The following KIF15 variants were observed in gnomAD, a reference collection of about 807,000 sequenced individuals.
The protein encoded by KIF15 is kinesin-like protein KIF15.
In KIF15, 140 loss-of-function variants were observed where a neutral mutation model predicts 190.6. That is an observed-to-expected ratio of 0.73 (90% CI 0.64 to 0.84). The LOEUF is 0.84. Ranked by LOEUF, KIF15 falls within the 40% of genes least tolerant of loss-of-function variation. The probability of loss-of-function intolerance (pLI) is 0.00; values close to 1 mark genes in which losing one functional copy is unlikely to be tolerated. For missense variants in KIF15, 1,372 were observed against 1,584.4 expected, an observed-to-expected ratio of 0.87 and a Z score of 2.28; for synonymous variants, 528 against 551.3, an observed-to-expected ratio of 0.96 and a Z score of 0.59.
At chr3:44,858,766 C>T (rs1414522045) in intron 6 of KIF15, among the ~76,000 whole-genome samples, 1 of 152,130 alleles carries the variant, frequency 6.6e-6, no homozygotes, top group African/African-American at 2.4e-5. Flanking sequence ...CCGTCAATAC[C>T]CACAACAGTT....
chr3:44,788,976 A>C (rs1026322704), intron 7 of KIF15, among the ~76,000 whole-genome samples: 1 of 152,202 alleles, frequency 6.6e-6, no homozygotes, highest in Non-Finnish European at 1.5e-5. Flanking sequence ...ATTTCCTCTT[A>C]GTTTTCAAGT....
chr3:44,854,565 G>A (rs1461030073), downstream of KIF15, among the ~76,000 whole-genome samples: 1 of 152,186 alleles, frequency 6.6e-6, no homozygotes, highest in Non-Finnish European at 1.5e-5. Context: ...TGCCTCAGAG[G>A]TAGAAGAAGG....
intron 6 of KIF15, among the ~76,000 whole-genome samples, chr3:44,859,023 G>T (rs1350326030): frequency 6.6e-6 from 1 of 152,240 alleles, no homozygotes; most frequent in Admixed American, 6.5e-5. Flanking sequence ...GGGAGTGGCT[G>T]CAGGGCAAGC....
At chr3:44,804,919 A>C in intron 14 of KIF15, 108 bp from the exon 15 acceptor site, 3 of 1,197,210 alleles carry the variant, frequency 2.5e-6, no homozygotes, top group Non-Finnish European at 3.5e-6. Flanking sequence ...GCTTTAGTAC[A>C]CTATGATCAT....
intron 22 of KIF15, 67 bp downstream of exon 22, chr3:44,826,527 T>C: frequency 1.1e-6 from 1 of 918,842 alleles, no homozygotes. Context: ...CTTAATCTTG[T>C]TTTTTTTTTA....
chr3:44,851,760 CTA>C, intron 32 of KIF15, 25 bp from the exon 33 acceptor site: 1 of 1,574,462 alleles, frequency 6.4e-7, no homozygotes, highest in East Asian at 2.2e-5. Context: ...CTTTCAAATA[CTA>C]TAAAGTGATA....
intron 29 of KIF15, 147 bp from the exon 30 acceptor site, chr3:44,842,978 C>T (rs558120579): frequency 5.4e-6 from 3 of 558,556 alleles, no homozygotes; most frequent in African/African-American, 1.9e-5. Context: ...TAGCTTGTCA[C>T]AGTCTGCTTT....
Position 44,775,424 on chromosome 3 carries a change from T to C in KIF15, c.233T>C (p.Val78Ala), listed in dbSNP as rs1171727209. ...KTFTFDHVAD[V>A]DTTQESVFAT... ...TTCACGTTTGATCATGTTGCAGATG[T>C]GGATACCACTCAGGTAATGATAATT... is the stretch of plus-strand genomic sequence containing the variant. The change falls in exon 3 of 35, where the codon GTG (valine) becomes GCG (alanine). Residue 78 changes from valine (V) to alanine (A), a missense_variant. Transcript: ENST00000326047. 2 of 1,605,690 alleles carry C rather than the reference T, an allele frequency of 1.2e-6. No individual in the cohort carries two copies. Among genetic ancestry groups the C allele is most frequent in the Non-Finnish European group, 1.7e-6 (2 of 1,177,090 alleles).
intron 6 of KIF15, chr3:44,863,208 G>A (rs892811793): frequency 6.7e-6 from 1 of 149,850 alleles, no homozygotes; most frequent in African/African-American, 2.4e-5. Context: ...GAACACCCTG[G>A]TGTAAGTTAT....
chr3:44,848,123 G>A (rs1292412522), intron 31 of KIF15, 66 bp downstream of exon 31: 38 of 958,210 alleles, frequency 4.0e-5, no homozygotes, highest in Admixed American at 1.1e-4. Flanking sequence ...TAGTATTTAT[G>A]GTAGTATATT....
intron 7 of KIF15, among the ~76,000 whole-genome samples, chr3:44,787,757 C>T (rs1575593515): frequency 4.6e-5 from 7 of 152,318 alleles, no homozygotes; most frequent in Admixed American, 6.5e-5. Context: ...TAATTTTCAT[C>T]ATAAAAGTCA....
chr3:44,761,970 G>C (rs1382176463), intron 1 of KIF15, 86 bp downstream of exon 1: 28 of 1,562,244 alleles, frequency 1.8e-5, no homozygotes, highest in Non-Finnish European at 2.3e-5. Flanking sequence ...CGCCCGCAAG[G>C]TTCTTGCTAG....
chr3:44,781,404 AGTTT>A (rs1195947993), intron 5 of KIF15, among the ~76,000 whole-genome samples: 2 of 152,188 alleles, frequency 1.3e-5, no homozygotes, highest in African/African-American at 2.4e-5. Flanking sequence ...ATGTAGTAGT[AGTTT>A]ATTTCCATTA....
Position 44,827,871 on chromosome 3 carries a change from A to G in KIF15, c.2856+343A>G, listed in dbSNP as rs540706868. On this transcript the variant is annotated intron_variant, in intron 23 of 34. Coordinates refer to ENST00000326047, the MANE Select transcript of KIF15 (RefSeq NM_020242.3). ...CTAAATTTTTGTATTTTTTATAGAG[A>G]TGGGGTTTCACCATGTTGCCCAGGA... Among the ~76,000 whole-genome samples, 5 of 152,092 alleles carry G rather than the reference A, an allele frequency of 3.3e-5. No homozygotes were observed. The South Asian group carries it at 1.0e-3, about 32-fold the overall frequency.
chr3:44,859,406 C>T (rs1025051565), intron 6 of KIF15, among the ~76,000 whole-genome samples: 3 of 152,044 alleles, frequency 2.0e-5, no homozygotes, highest in East Asian at 1.9e-4. Flanking sequence ...GGCTCATGTC[C>T]GTAATCCCAG....
At chr3:44,842,926 A>G (rs189919433) in intron 29 of KIF15, among the ~76,000 whole-genome samples, 199 bp from the exon 30 acceptor site, 1 of 152,318 alleles carries the variant, frequency 6.6e-6, no homozygotes, top group Non-Finnish European at 1.5e-5. Flanking sequence ...TGTGTTCAAG[A>G]CACTGTGGAT....
intron 7 of KIF15, among the ~76,000 whole-genome samples, chr3:44,793,486 T>C (rs931548159): frequency 6.6e-6 from 1 of 152,194 alleles, no homozygotes; most frequent in Non-Finnish European, 1.5e-5. Context: ...CAGTTCTAGA[T>C]CCTATGCGCT....
intron 6 of KIF15, among the ~76,000 whole-genome samples, chr3:44,860,495 A>T (rs1335942855): frequency 6.6e-6 from 1 of 152,036 alleles, no homozygotes; most frequent in Non-Finnish European, 1.5e-5. Context: ...TCAGCTTCCC[A>T]AGTAGCTGGG....
intron 1 of KIF15, among the ~76,000 whole-genome samples, chr3:44,769,861 T>C (rs1179276315): frequency 6.6e-6 from 1 of 152,220 alleles, no homozygotes; most frequent in Non-Finnish European, 1.5e-5. Context: ...GCTATAGTTA[T>C]GTTTGCTAAG....
Sources: allele counts gnomAD v4.1 joint callset (sites outside exome capture counted in the v4.1 genomes callset), GRCh38; gene constraint gnomAD v4.1.1; transcripts MANE v1.5; gene names NCBI Gene and HGNC (gene_info 2026-07-23, HGNC 2026-07-21).